CAMTA1: variants seen among roughly 807,000 people sequenced by gnomAD.
The protein encoded by CAMTA1 is calmodulin-binding transcription activator 1.
In CAMTA1, 27 loss-of-function variants were observed where a neutral mutation model predicts 170.9. That is an observed-to-expected ratio of 0.16 (90% confidence interval 0.12 to 0.22). The LOEUF (loss-of-function observed/expected upper bound fraction) is 0.22. Among genes scored for constraint, CAMTA1 ranks in the 10% least tolerant of loss-of-function variants. The pLI, the probability that CAMTA1 is intolerant of heterozygous loss-of-function variation, is 1.00. For synonymous variants in CAMTA1, 833 were observed against 891.5 expected (o/e 0.93, Z 1.17); for missense variants, 1,619 against 2,217.2 (o/e 0.73, Z 5.42).
rs367594577 is a variant in CAMTA1 at position 7,745,909 on chromosome 1, G to A, written c.4435G>A (p.Val1479Ile). The part of the protein sequence containing the change: ...NTSLSPVGSP[V>I]SEIAFEKPNL... ...CAGCTTGAGCCCTGTTGGCTCTCCC[G>A]TCAGTGAAATCGCTTTCGAGAAACC... Residue 1479 changes from valine (V) to isoleucine (I), a missense_variant, in exon 18 of 23, where the codon GTC (valine) becomes ATC (isoleucine). Coordinates refer to ENST00000303635, the MANE Select transcript of CAMTA1 (RefSeq NM_015215.4). 65 of 1,614,032 alleles carry A rather than the reference G, an allele frequency of 4.0e-5. No homozygotes were observed. The highest frequency in any genetic ancestry group is 4.5e-5 in the Non-Finnish European group (53 of 1,180,034).
chr1:7,139,105 A>G (rs961780587), intron 4 of CAMTA1, among the ~76,000 whole-genome samples: 6 of 138,240 alleles, frequency 4.3e-5, no homozygotes, highest in Non-Finnish European at 9.2e-5. Flanking sequence ...ATTTATTTAT[A>G]AAATAAACAA....
chr1:7,390,059 T>C (rs903882641), intron 5 of CAMTA1, among the ~76,000 whole-genome samples: 11 of 152,158 alleles, frequency 7.2e-5, no homozygotes, highest in Non-Finnish European at 1.5e-5. Context: ...TACCTGCCGC[T>C]TCCCTGCCGG....
intron 3 of CAMTA1, among the ~76,000 whole-genome samples, chr1:6,830,618 C>T (rs1245464410): frequency 2.2e-4 from 34 of 152,146 alleles, no homozygotes; most frequent in Non-Finnish European, 1.5e-5. Context: ...GCTTGGATTA[C>T]AGGCGTGAGC....
chr1:7,416,086 C>T (rs1360874451), intron 5 of CAMTA1, among the ~76,000 whole-genome samples: 7 of 152,124 alleles, frequency 4.6e-5, no homozygotes, highest in African/African-American at 7.2e-5. Context: ...TGAATATTGG[C>T]CCCCACTCTC....
chr1:6,841,044 C>G (rs971082759), intron 3 of CAMTA1, among the ~76,000 whole-genome samples: 2 of 152,162 alleles, frequency 1.3e-5, no homozygotes, highest in African/African-American at 2.4e-5. Context: ...GAATCTGTTT[C>G]CTTGTTTGTT....
chr1:7,439,663 C>T (rs1412706447), intron 5 of CAMTA1, among the ~76,000 whole-genome samples: 1 of 152,198 alleles, frequency 6.6e-6, no homozygotes, highest in African/African-American at 2.4e-5. Flanking sequence ...GGCCCATAGG[C>T]CAGACACCAC....
At chr1:6,890,034 T>C (rs1674174116) in intron 3 of CAMTA1, among the ~76,000 whole-genome samples, 1 of 152,208 alleles carries the variant, frequency 6.6e-6, no homozygotes, top group South Asian at 2.1e-4. Flanking sequence ...GTGTGTGACC[T>C]GATTTTAAAG....
chr1:7,254,879 G>C (rs1016206555), intron 5 of CAMTA1, among the ~76,000 whole-genome samples: 1 of 152,182 alleles, frequency 6.6e-6, no homozygotes, highest in Non-Finnish European at 1.5e-5. Context: ...AATCAAGTTT[G>C]AAAAACAGCA....
intron 4 of CAMTA1, among the ~76,000 whole-genome samples, chr1:7,119,475 T>C (rs988847668): frequency 1.3e-5 from 2 of 152,224 alleles, no homozygotes; most frequent in African/African-American, 4.8e-5. Context: ...GCATCATTTT[T>C]ATTTCTGTCC....
intron 5 of CAMTA1, among the ~76,000 whole-genome samples, chr1:7,454,739 C>A (rs2092911351): frequency 6.6e-6 from 1 of 152,108 alleles, no homozygotes; most frequent in East Asian, 1.9e-4. Context: ...GGGCGGGAGG[C>A]CTCAGTCAGC....
rs1177187429 is a variant in CAMTA1 at position 7,766,879 on chromosome 1, A to C, written c.*388A>C. 1 of 169,034 alleles carries C rather than the reference A, an allele frequency of 5.9e-6. No individual in the cohort carries two copies. Among genetic ancestry groups the C allele is most frequent in the Non-Finnish European group, 1.3e-5 (1 of 78,914 alleles). The allele number at this position is 169,034 out of a possible 1,614,324, so 10.5% of individuals were successfully genotyped here. A position where few individuals can be genotyped will look rare whatever the true frequency, so the allele number is the denominator to read the frequency against. On this transcript the variant is annotated 3_prime_UTR_variant, in exon 23 of 23. Coordinates refer to ENST00000303635, the MANE Select transcript of CAMTA1 (RefSeq NM_015215.4). Reference sequence around the variant, plus strand: ...GGAACTGTACAAATATTTATACCAAAAATATAGATAAGAAAAGGTGGGGCT... The same window carrying C: ...GGAACTGTACAAATATTTATACCAACAATATAGATAAGAAAAGGTGGGGCT...
chr1:7,024,003 T>TGG (rs1701709432), intron 3 of CAMTA1, among the ~76,000 whole-genome samples: 1 of 129,714 alleles, frequency 7.7e-6, no homozygotes, highest in South Asian at 2.4e-4. Context: ...CACTGCAGCC[T>TGG]GGGGGACAGA....
At chr1:7,718,439 CCTT>C (rs1164854325) in intron 11 of CAMTA1, among the ~76,000 whole-genome samples, 2 of 152,126 alleles carry the variant, frequency 1.3e-5, no homozygotes, top group Non-Finnish European at 2.9e-5. Context: ...TTGCAGTTTC[CCTT>C]CTTAAGTGTT....
chr1:7,486,799 C>T (rs1298102866), intron 6 of CAMTA1, among the ~76,000 whole-genome samples: 3 of 152,176 alleles, frequency 2.0e-5, no homozygotes, highest in Non-Finnish European at 4.4e-5. Flanking sequence ...CCCTGGAGCT[C>T]CATCTCCCCA....
chr1:7,521,209 G>T (rs1368332845), intron 6 of CAMTA1, among the ~76,000 whole-genome samples: 2 of 152,096 alleles, frequency 1.3e-5, no homozygotes, highest in East Asian at 1.9e-4. Flanking sequence ...CAGGGTGATT[G>T]TTTCTTAATG....
chr1:6,995,295 CTTTTTT>C (rs765139922), intron 3 of CAMTA1, among the ~76,000 whole-genome samples: 21 of 60,622 alleles, frequency 3.5e-4, no homozygotes, highest in East Asian at 1.7e-3. Flanking sequence ...TTTTTCTTTT[CTTTTTT>C]TTTTTTTTTT....
chr1:7,021,543 C>A (rs562501544), intron 3 of CAMTA1, among the ~76,000 whole-genome samples: 1 of 152,126 alleles, frequency 6.6e-6, no homozygotes, highest in Non-Finnish European at 1.5e-5. Context: ...CTTTCTTATT[C>A]GATTTTTAAA....
In CAMTA1 at chr1:7,732,564, G is replaced by A. The variant is rs756934523; in HGVS notation, c.3031G>A (p.Gly1011Ser). The A allele has an allele frequency of 4.3e-6, 7 of 1,612,212 alleles. No individual in the cohort carries two copies. The highest frequency in any genetic ancestry group is 3.3e-5 in the South Asian group (3 of 90,836). Reference sequence around the variant, plus strand: ...GAGCGGAGGCGGCAGCAGTGGAGGCGGCAGCGGGAGCGGGAATGGAGGGAG... The same window carrying A: ...GAGCGGAGGCGGCAGCAGTGGAGGCAGCAGCGGGAGCGGGAATGGAGGGAG... The part of the protein sequence containing the change: ...QASGGGSSGG[G>S]SGSGNGGSQA... Residue 1011 changes from glycine to serine, a missense_variant, in exon 12 of 23, where the codon GGC becomes AGC. This residue lies in a region of CAMTA1 where 143 missense variants were observed against 184.2 expected (regional missense o/e 0.78). Coordinates refer to ENST00000303635, the MANE Select transcript of CAMTA1 (RefSeq NM_015215.4). This position sits in a 1 kb window ranked among gnomAD's most constrained non-coding sequence, Gnocchi z 4.1.
chr1:7,647,377 TG>T (rs2095815426), intron 7 of CAMTA1, among the ~76,000 whole-genome samples: 1 of 152,134 alleles, frequency 6.6e-6, no homozygotes, highest in African/African-American at 2.4e-5. Context: ...CCTTCCTTCC[TG>T]GGGCTCGCGG....
Sources: allele counts gnomAD v4.1 joint callset (sites outside exome capture counted in the v4.1 genomes callset), GRCh38; gene constraint gnomAD v4.1.1; regional missense constraint gnomAD v4.1.1; non-coding constraint Gnocchi (gnomAD v3.1); transcripts MANE v1.5; gene names NCBI Gene and HGNC (gene_info 2026-07-23, HGNC 2026-07-21).